FRMD6: variants seen among roughly 807,000 people sequenced by gnomAD.
FRMD6 encodes the protein FERM domain containing 6, also known as FERM domain-containing protein 6.
Under a neutral mutation model 73.2 loss-of-function variants are expected in FRMD6, and 37 were observed. The observed-to-expected ratio is 0.51, with a 90% CI of 0.39 to 0.66. FRMD6 has a LOEUF of 0.66. Among genes scored for constraint, FRMD6 ranks in the 30% least tolerant of loss-of-function variants. The pLI is 0.00. For synonymous variants in FRMD6, 273 were observed against 282.2 expected (o/e 0.97, Z 0.33); for missense variants, 714 against 780.5 (o/e 0.91, Z 1.02).
chr14:51,662,633 A>G (rs752103816), intron 1 of FRMD6, among the ~76,000 whole-genome samples: 2 of 152,224 alleles, frequency 1.3e-5, no homozygotes, highest in Non-Finnish European at 2.9e-5. Context: ...CTTATACCAT[A>G]TACAAAAATT....
chr14:51,638,384 C>T (rs558815911), intron 2 of FRMD6, among the ~76,000 whole-genome samples: 1 of 152,310 alleles, frequency 6.6e-6, no homozygotes, highest in Non-Finnish European at 1.5e-5. Context: ...AACTCTGTCC[C>T]TACTACTCCA....
At chr14:51,714,604 T>A (rs1204826300) in intron 9 of FRMD6, 2 of 152,240 alleles carry the variant, frequency 1.3e-5, no homozygotes, top group African/African-American at 4.8e-5. Flanking sequence ...AGAATGAGAC[T>A]CCTTATATGT....
At chr14:51,722,386 G>A (rs1351151254) in intron 12 of FRMD6, among the ~76,000 whole-genome samples, 1 of 152,182 alleles carries the variant, frequency 6.6e-6, no homozygotes, top group Non-Finnish European at 1.5e-5. Flanking sequence ...GTATCTGGAA[G>A]GCCTTGTAGA....
the FRMD6 span, among the ~76,000 whole-genome samples, chr14:51,446,471 C>CACACACACACACACACACAT: frequency 5.3e-4 from 80 of 151,896 alleles, 1 homozygote; most frequent in African/African-American, 1.9e-3. Context: ...CACACACACA[C>CACACACACACACACACACAT]GGAAGTTGAG....
chr14:51,645,768 C>G (rs1892037926), intron 2 of FRMD6, among the ~76,000 whole-genome samples: 1 of 151,904 alleles, frequency 6.6e-6, no homozygotes, highest in African/African-American at 2.4e-5. Flanking sequence ...CTTATTTGTA[C>G]TTTTACTCAT....
the FRMD6 span, among the ~76,000 whole-genome samples, chr14:51,421,448 T>TA: frequency 1.3e-5 from 2 of 152,106 alleles, no homozygotes; most frequent in African/African-American, 4.8e-5. Flanking sequence ...GCCATTGAGT[T>TA]AAAAAAAGAG....
At chr14:51,561,404 C>T (rs540944098) in intron 1 of FRMD6, among the ~76,000 whole-genome samples, 4 of 152,252 alleles carry the variant, frequency 2.6e-5, no homozygotes, top group South Asian at 4.1e-4. Context: ...TGGAAGGGAC[C>T]TCCTTTGTAC....
At chr14:51,479,929 T>C in the FRMD6 span, among the ~76,000 whole-genome samples, 1 of 152,052 alleles carries the variant, frequency 6.6e-6, no homozygotes, top group Non-Finnish European at 1.5e-5. Context: ...GAAAATTGAA[T>C]AGAGAGGGTG....
intron 1 of FRMD6, among the ~76,000 whole-genome samples, chr14:51,688,821 A>G (rs1705739393): frequency 6.6e-6 from 1 of 152,240 alleles, no homozygotes; most frequent in South Asian, 2.1e-4. Context: ...ATGCAATGAG[A>G]CATAAAACAG....
the FRMD6 span, among the ~76,000 whole-genome samples, chr14:51,467,008 C>A: frequency 6.6e-6 from 1 of 150,408 alleles, no homozygotes; most frequent in Admixed American, 6.6e-5. Flanking sequence ...TTGGGTGTTT[C>A]TCGTAGAGGG....
At chr14:51,613,283 C>A (rs1019235289) in intron 2 of FRMD6, among the ~76,000 whole-genome samples, 1 of 152,076 alleles carries the variant, frequency 6.6e-6, no homozygotes, top group Non-Finnish European at 1.5e-5. Context: ...CAGGTGTATT[C>A]AAGAGACTGA....
chr14:51,633,647 G>C (rs1594630827), intron 2 of FRMD6, among the ~76,000 whole-genome samples: 1 of 140,432 alleles, frequency 7.1e-6, no homozygotes, highest in African/African-American at 2.7e-5. Flanking sequence ...CATAGTTTAA[G>C]GTAACCATAA....
upstream of FRMD6, chr14:51,651,611 G>C (rs944016226): frequency 5.9e-5 from 9 of 152,268 alleles, no homozygotes; most frequent in African/African-American, 2.2e-4. Context: ...CCTGAGGCTC[G>C]CCTCGCTTCC....
intron 1 of FRMD6, among the ~76,000 whole-genome samples, chr14:51,524,820 T>C (rs572989318): frequency 2.8e-4 from 42 of 152,300 alleles, no homozygotes; most frequent in African/African-American, 9.9e-4. Flanking sequence ...CAGTGATTGA[T>C]GCAAGAGTAG....
the FRMD6 span, among the ~76,000 whole-genome samples, chr14:51,432,852 G>A: frequency 1.3e-5 from 2 of 152,110 alleles, no homozygotes; most frequent in African/African-American, 4.8e-5. Flanking sequence ...CAGGGGGCAG[G>A]GCCTATCCTG....
At chr14:51,552,913 C>A (rs1213896820) in intron 1 of FRMD6, among the ~76,000 whole-genome samples, 2 of 152,170 alleles carry the variant, frequency 1.3e-5, no homozygotes, top group African/African-American at 2.4e-5. Flanking sequence ...GATCTAGGTT[C>A]TCAGTGGCTC....
chr14:51,591,560 T>G (rs1247203182), intron 2 of FRMD6, among the ~76,000 whole-genome samples: 1 of 152,218 alleles, frequency 6.6e-6, no homozygotes, highest in East Asian at 1.9e-4. Context: ...ATTTTACTGT[T>G]TTTTCTTTTC....
At chr14:51,469,028 C>T in the FRMD6 span, among the ~76,000 whole-genome samples, 2 of 151,976 alleles carry the variant, frequency 1.3e-5, no homozygotes, top group Non-Finnish European at 2.9e-5. Context: ...GCAAGCTTTG[C>T]CTCCCAGGTT....
chr14:51,716,296 GT>G (rs571953637), intron 10 of FRMD6, among the ~76,000 whole-genome samples: 34 of 141,902 alleles, frequency 2.4e-4, no homozygotes, highest in African/African-American at 5.1e-4. Context: ...ATTTGGGTTT[GT>G]TTTTTTTTTT....
Sources: gnomAD v4.1 joint callset for allele counts (sites outside exome capture counted in the v4.1 genomes callset) on GRCh38, gnomAD v4.1.1 for gene constraint, MANE v1.5 for transcripts, NCBI Gene and HGNC (gene_info 2026-07-23, HGNC 2026-07-21) for gene names.